Variants in SLC12A8 observed in about 807,000 individuals in gnomAD.
The protein encoded by SLC12A8 is solute carrier family 12 member 8.
Under a neutral mutation model 75.6 loss-of-function variants are expected in SLC12A8, and 69 were observed. That is an observed-to-expected ratio of 0.91 (90% CI 0.75 to 1.11). SLC12A8 has a LOEUF of 1.11. Among genes scored for constraint, SLC12A8 ranks in the 50% most tolerant of loss-of-function variants. The pLI is 0.00. For synonymous variants in SLC12A8, 365 were observed against 372.8 expected (o/e 0.98, Z 0.24); for missense variants, 877 against 896.7 (o/e 0.98, Z 0.28).
intron 2 of SLC12A8, among the ~76,000 whole-genome samples, chr3:125,198,920 G>GGT (rs1275934497): frequency 0.015 from 2,335 of 151,798 alleles, 43 homozygotes; most frequent in African/African-American, 0.051. Flanking sequence ...TGAGACTACA[G>GGT]GCACCCGCCA....
intron 2 of SLC12A8, among the ~76,000 whole-genome samples, chr3:125,208,921 T>TC (rs771806674): frequency 1.3e-5 from 2 of 151,612 alleles, no homozygotes; most frequent in South Asian, 4.2e-4. Flanking sequence ...TTGCCAAACT[T>TC]CCTGTGAGCC....
At chr3:125,152,165 C>T (rs188473970) in intron 5 of SLC12A8, among the ~76,000 whole-genome samples, 48 of 152,198 alleles carry the variant, frequency 3.2e-4, no homozygotes, top group Non-Finnish European at 4.3e-4. Context: ...GTTACTGGGG[C>T]AGAGAAAGCA....
chr3:125,185,024 A>G (rs1052739554), intron 4 of SLC12A8, among the ~76,000 whole-genome samples: 5 of 150,032 alleles, frequency 3.3e-5, no homozygotes, highest in African/African-American at 1.2e-4. Flanking sequence ...ACCTACGTGA[A>G]GTGGACAAAT....
chr3:125,162,782 A>G (rs529436786), intron 5 of SLC12A8, among the ~76,000 whole-genome samples: 3 of 152,282 alleles, frequency 2.0e-5, no homozygotes, highest in South Asian at 4.1e-4. Flanking sequence ...AGTAACTAAC[A>G]TACATAATGG....
At chr3:125,135,549 C>A in intron 6 of SLC12A8, 120 bp downstream of exon 6, 5 of 538,246 alleles carry the variant, frequency 9.3e-6, no homozygotes, top group Middle Eastern at 4.1e-4. Context: ...AAAGCTAAGC[C>A]CATATCTAAA....
At chr3:125,094,916 C>T (rs116508727) in intron 10 of SLC12A8, among the ~76,000 whole-genome samples, 1,621 of 152,324 alleles carry the variant, frequency 0.011, 33 homozygotes, top group African/African-American at 0.036. Flanking sequence ...TACATGTGAT[C>T]ACTTTCTCCT....
chr3:125,101,006 C>T (rs1279109332), intron 10 of SLC12A8, among the ~76,000 whole-genome samples: 9 of 107,446 alleles, frequency 8.4e-5, no homozygotes, highest in East Asian at 7.9e-4. Flanking sequence ...GGCGACAGAG[C>T]GAGACTCCGT....
At chr3:125,184,354 C>G (rs983413451) in intron 4 of SLC12A8, among the ~76,000 whole-genome samples, 3 of 152,204 alleles carry the variant, frequency 2.0e-5, no homozygotes, top group African/African-American at 7.2e-5. Flanking sequence ...AACTGGCTCA[C>G]TGGCCAAATC....
chr3:125,199,585 G>GA (rs369600546), intron 2 of SLC12A8, among the ~76,000 whole-genome samples: 54,868 of 139,512 alleles, frequency 0.39, 11,023 homozygotes, highest in Non-Finnish European at 0.47. Context: ...CTAGAAGAAG[G>GA]AAAAAAAAAA....
chr3:125,160,803 TA>T (rs1934150333), intron 5 of SLC12A8, among the ~76,000 whole-genome samples: 1 of 152,064 alleles, frequency 6.6e-6, no homozygotes, highest in Non-Finnish European at 1.5e-5. Context: ...GGACTCATCA[TA>T]AACACAGGTG....
chr3:125,186,968 A>G (rs1223024690), intron 4 of SLC12A8, among the ~76,000 whole-genome samples: 1 of 152,242 alleles, frequency 6.6e-6, no homozygotes, highest in Non-Finnish European at 1.5e-5. Flanking sequence ...ATTGAACAGC[A>G]AGAATGTGCT....
chr3:125,099,475 A>T (rs1938805255), intron 10 of SLC12A8, among the ~76,000 whole-genome samples: 1 of 152,220 alleles, frequency 6.6e-6, no homozygotes, highest in African/African-American at 2.4e-5. Flanking sequence ...AGTAAAAGAA[A>T]CTAACTGAGT....
chr3:125,205,667 G>C (rs1935214024), intron 2 of SLC12A8, among the ~76,000 whole-genome samples: 2 of 152,198 alleles, frequency 1.3e-5, no homozygotes, highest in South Asian at 4.1e-4. Flanking sequence ...CTTGTCTTCT[G>C]CTGCCTTTAA....
chr3:125,133,668 C>T (rs1268926896), intron 6 of SLC12A8, among the ~76,000 whole-genome samples: 2 of 152,100 alleles, frequency 1.3e-5, no homozygotes, highest in Non-Finnish European at 2.9e-5. Context: ...TCAGGTGATC[C>T]GGCTGCCTCA....
intron 5 of SLC12A8, among the ~76,000 whole-genome samples, chr3:125,139,895 C>T (rs1414657850): frequency 6.6e-6 from 1 of 152,216 alleles, no homozygotes; most frequent in Admixed American, 6.5e-5. Context: ...ATAGACACCA[C>T]ATTTTGCATA....
At chr3:125,138,711 A>G (rs2942815) in intron 5 of SLC12A8, among the ~76,000 whole-genome samples, 11,628 of 152,094 alleles carry the variant, frequency 0.076, 523 homozygotes, top group Admixed American at 0.092. Context: ...CAAAACATCC[A>G]CATTTAAGTT....
intron 5 of SLC12A8, among the ~76,000 whole-genome samples, chr3:125,158,316 G>T (rs1934094043): frequency 6.6e-6 from 1 of 151,952 alleles, no homozygotes; most frequent in Non-Finnish European, 1.5e-5. Flanking sequence ...TGCCTCCCAG[G>T]TTCAAGCAAT....
intron 5 of SLC12A8, among the ~76,000 whole-genome samples, chr3:125,176,526 A>G (rs1020422933): frequency 6.6e-6 from 1 of 152,244 alleles, no homozygotes; most frequent in Non-Finnish European, 1.5e-5. Context: ...CCACCATCAG[A>G]GTGAACAGGC....
At chr3:125,128,347 A>AT (rs532494935) in intron 6 of SLC12A8, among the ~76,000 whole-genome samples, 1 of 139,672 alleles carries the variant, frequency 7.2e-6, no homozygotes, top group South Asian at 2.4e-4. Context: ...CGCCCGGCTA[A>AT]TTTTTTGTAT....
Sources: gnomAD v4.1 joint callset for allele counts (sites outside exome capture counted in the v4.1 genomes callset) on GRCh38, gnomAD v4.1.1 for gene constraint, MANE v1.5 for transcripts, NCBI Gene and HGNC (gene_info 2026-07-23, HGNC 2026-07-21) for gene names.